Variants in CNBD1 observed in about 807,000 individuals in gnomAD.
CNBD1 encodes cyclic nucleotide-binding domain-containing protein 1.
In CNBD1, 71 loss-of-function variants were observed where a neutral mutation model predicts 54.4. The observed-to-expected ratio is 1.30, with a 90% CI of 1.08 to 1.59. CNBD1 has a LOEUF of 1.59. CNBD1 is among the 40% of genes most tolerant of loss of function. The pLI, the probability that CNBD1 is intolerant of heterozygous loss-of-function variation, is 0.00. For synonymous variants in CNBD1, 182 were observed against 170.7 expected, an observed-to-expected ratio of 1.07 and a Z score of -0.51; for missense variants, 659 against 518.0, an observed-to-expected ratio of 1.27 and a Z score of -2.64.
At chr8:86,987,052 A>G (rs192516443) in intron 4 of CNBD1, among the ~76,000 whole-genome samples, 19 of 152,288 alleles carry the variant, frequency 1.2e-4, no homozygotes, top group African/African-American at 4.3e-4. Flanking sequence ...TGAAAAAATG[A>G]CATAGGTAGT....
chr8:87,286,135 T>A (rs1808694584), intron 7 of CNBD1, among the ~76,000 whole-genome samples: 1 of 152,186 alleles, frequency 6.6e-6, no homozygotes, highest in South Asian at 2.1e-4. Flanking sequence ...AAATCCCTGA[T>A]GTTTATTTGT....
intron 10 of CNBD1, among the ~76,000 whole-genome samples, chr8:87,365,204 T>G (rs906632698): frequency 6.6e-6 from 1 of 152,040 alleles, no homozygotes; most frequent in Non-Finnish European, 1.5e-5. Flanking sequence ...TTCTGACTGA[T>G]GTGATGTGAG....
At chr8:87,277,994 CAATA>C (rs375993110) in intron 6 of CNBD1, among the ~76,000 whole-genome samples, 3 of 150,836 alleles carry the variant, frequency 2.0e-5, no homozygotes, top group African/African-American at 4.9e-5. Context: ...GAATTGTGAA[CAATA>C]AATAAGAAAA....
At chr8:87,201,430 A>G (rs1813859645) in intron 4 of CNBD1, among the ~76,000 whole-genome samples, 1 of 152,226 alleles carries the variant, frequency 6.6e-6, no homozygotes, top group Non-Finnish European at 1.5e-5. Context: ...GGAAAAGGAA[A>G]CTAAAACTAT....
At chr8:86,898,003 A>G (rs1016542513) in intron 2 of CNBD1, among the ~76,000 whole-genome samples, 3 of 152,208 alleles carry the variant, frequency 2.0e-5, no homozygotes, top group Non-Finnish European at 2.9e-5. Flanking sequence ...AAAGTATGGC[A>G]TATTAATACC....
chr8:87,187,550 T>C lies in CNBD1; in HGVS notation c.432-18443T>C, dbSNP rs550875890. 1.7e-4 allele frequency among the ~76,000 whole-genome samples: 26 copies of C among 152,114 alleles called. 1 individual carries two copies. The South Asian group carries it at 5.0e-3, about 29-fold the overall frequency. ...AGACACCAAACATAACAGATTATTT[T>C]GGACTGGAAAAATTTCAAACCAGCA... On this transcript the variant is annotated intron_variant, in intron 4 of 10. Coordinates refer to ENST00000518476, the MANE Select transcript of CNBD1 (RefSeq NM_173538.3).
intron 4 of CNBD1, among the ~76,000 whole-genome samples, chr8:87,077,113 G>A (rs1037402412): frequency 7.2e-5 from 11 of 152,152 alleles, no homozygotes; most frequent in Non-Finnish European, 1.5e-4. Flanking sequence ...AAGAGGGAGG[G>A]CAAAGGAAGG....
intron 2 of CNBD1, among the ~76,000 whole-genome samples, chr8:87,391,626 G>C (rs1811312202): frequency 6.6e-6 from 1 of 151,940 alleles, no homozygotes; most frequent in Non-Finnish European, 1.5e-5. Flanking sequence ...AATCATGCTG[G>C]GATAATGGGA....
intron 6 of CNBD1, among the ~76,000 whole-genome samples, chr8:87,276,931 C>T (rs1439586006): frequency 5.3e-5 from 8 of 150,654 alleles, no homozygotes; most frequent in Non-Finnish European, 1.0e-4. Context: ...CCTTGAGGGG[C>T]CAAGATACTG....
intron 10 of CNBD1, among the ~76,000 whole-genome samples, chr8:87,365,951 C>T (rs1049992951): frequency 3.3e-5 from 5 of 151,880 alleles, no homozygotes; most frequent in East Asian, 1.9e-4. Context: ...AATGATTTTA[C>T]GATCACTCTT....
intron 4 of CNBD1, among the ~76,000 whole-genome samples, chr8:87,037,782 T>G (rs1034803491): frequency 6.6e-6 from 1 of 152,192 alleles, no homozygotes; most frequent in African/African-American, 2.4e-5. Flanking sequence ...GTTTTGATGT[T>G]TGTGTTTTTG....
Position 87,236,982 on chromosome 8 carries a change from A to T in CNBD1, c.641A>T (p.Tyr214Phe). Residue 214 changes from tyrosine to phenylalanine, a missense_variant, in exon 6 of 11, where the codon TAT (tyrosine) becomes TTT (phenylalanine). Tyr to Phe is a conservative substitution (Grantham distance 22). Coordinates refer to ENST00000518476, the MANE Select transcript of CNBD1 (RefSeq NM_173538.3). ...KGLARPQTNVYKNLIEGSDSP... is the reference protein window; with the variant it reads ...KGLARPQTNVFKNLIEGSDSP... ...CTAGCTCGACCTCAAACAAACGTGT[A>T]TAAAAATCTGATTGAAGGAAGTGAT... 6.2e-7 allele frequency: 1 copy of T among 1,612,756 alleles called. No individual in the cohort carries two copies. Among genetic ancestry groups the T allele is most frequent in the Non-Finnish European group, 8.5e-7 (1 of 1,179,008 alleles).
chr8:87,303,982 A>G (rs181655378), intron 8 of CNBD1, among the ~76,000 whole-genome samples: 226 of 152,260 alleles, frequency 1.5e-3, no homozygotes, highest in African/African-American at 5.0e-3. Flanking sequence ...AAAAGTCAGG[A>G]AACAACAGGT....
intron 4 of CNBD1, among the ~76,000 whole-genome samples, chr8:86,975,015 T>C (rs1808310197): frequency 6.6e-6 from 1 of 152,014 alleles, no homozygotes; most frequent in Non-Finnish European, 1.5e-5. Flanking sequence ...GAAACTCCTT[T>C]AGGCACAGAT....
intron 6 of CNBD1, among the ~76,000 whole-genome samples, chr8:87,248,507 T>C (rs1219661590): frequency 6.6e-6 from 1 of 152,230 alleles, no homozygotes; most frequent in African/African-American, 2.4e-5. Flanking sequence ...CATTTTTTTC[T>C]TTTGAAAAAC....
chr8:87,292,813 G>T (rs189137258), intron 8 of CNBD1, among the ~76,000 whole-genome samples: 1 of 152,290 alleles, frequency 6.6e-6, no homozygotes, highest in East Asian at 1.9e-4. Context: ...TGATGAGCAT[G>T]GTGGTTCTAA....
chr8:87,185,981 T>G (rs996956399), intron 4 of CNBD1, among the ~76,000 whole-genome samples: 5 of 152,108 alleles, frequency 3.3e-5, no homozygotes, highest in Non-Finnish European at 7.4e-5. Context: ...GTTTTTAACT[T>G]TATTTGTTCC....
At chr8:87,313,403 G>T (rs964532511) in intron 8 of CNBD1, among the ~76,000 whole-genome samples, 2 of 152,022 alleles carry the variant, frequency 1.3e-5, no homozygotes. Context: ...ATGTGCTTAA[G>T]CAGTTACACT....
At chr8:87,370,056 C>T (rs1810741461) in intron 10 of CNBD1, among the ~76,000 whole-genome samples, 1 of 151,932 alleles carries the variant, frequency 6.6e-6, no homozygotes, top group Non-Finnish European at 1.5e-5. Flanking sequence ...AGGACATGAA[C>T]TCATCATTTT....
Sources: gnomAD v4.1 joint callset for allele counts (sites outside exome capture counted in the v4.1 genomes callset) on GRCh38, gnomAD v4.1.1 for gene constraint, MANE v1.5 for transcripts, NCBI Gene and HGNC (gene_info 2026-07-23, HGNC 2026-07-21) for gene names.